Variants in KCTD3 observed in about 807,000 individuals in gnomAD.
KCTD3 encodes the protein potassium channel tetramerization domain containing 3, also known as BTB/POZ domain-containing protein KCTD3.
A neutral mutation model predicts 85.8 loss-of-function variants in KCTD3; 41 were observed. The ratio of observed to expected loss-of-function variants is 0.48; its 90% CI spans 0.37 to 0.62. The LOEUF (loss-of-function observed/expected upper bound fraction) is 0.62, where lower values mean the gene tolerates loss of function less well. Ranked by LOEUF, KCTD3 falls within the 20% of genes least tolerant of loss-of-function variation. The pLI is 0.00. For synonymous variants in KCTD3, 338 were observed against 345.4 expected, an observed-to-expected ratio of 0.98 and a Z score of 0.24; for missense variants, 724 against 989.9, an observed-to-expected ratio of 0.73 and a Z score of 3.60.
At chr1:215,575,569 C>T (rs1659540823) in intron 3 of KCTD3, among the ~76,000 whole-genome samples, 1 of 152,152 alleles carries the variant, frequency 6.6e-6, no homozygotes, top group Admixed American at 6.5e-5. Context: ...GAATTCTAGA[C>T]TGTTTCAGAT....
chr1:215,593,671 TTGTC>T (rs1660303115), intron 9 of KCTD3, among the ~76,000 whole-genome samples: 1 of 152,144 alleles, frequency 6.6e-6, no homozygotes, highest in Admixed American at 6.5e-5. Context: ...GCTGACGAAG[TTGTC>T]TGTATTGGCA....
intron 9 of KCTD3, among the ~76,000 whole-genome samples, chr1:215,592,448 T>A (rs1349530294): frequency 6.6e-6 from 1 of 152,130 alleles, no homozygotes; most frequent in African/African-American, 2.4e-5. Context: ...GCTTAAGTCC[T>A]CCCAAACAAC....
At chr1:215,619,362 C>T in intron 17 of KCTD3, 71 bp downstream of exon 17, 3 of 1,261,584 alleles carry the variant, frequency 2.4e-6, no homozygotes, top group Non-Finnish European at 3.4e-6. Flanking sequence ...ATATTGTAAT[C>T]ACATAGTTGT....
At chr1:215,601,770 G>A in intron 10 of KCTD3, 97 bp from the exon 11 acceptor site, 1 of 697,918 alleles carries the variant, frequency 1.4e-6, no homozygotes, top group African/African-American at 1.8e-5. Flanking sequence ...GATATTGGTT[G>A]CCTCTTTACC....
chr1:215,580,784 G>A (rs1010138308), intron 8 of KCTD3, among the ~76,000 whole-genome samples: 1 of 151,980 alleles, frequency 6.6e-6, no homozygotes, highest in African/African-American at 2.4e-5. Context: ...GTCACAATAA[G>A]CTGAAAAATA....
intron 9 of KCTD3, among the ~76,000 whole-genome samples, chr1:215,590,170 G>C (rs1465455985): frequency 6.6e-6 from 1 of 152,030 alleles, no homozygotes; most frequent in Middle Eastern, 3.2e-3. Flanking sequence ...GGCTTTAACT[G>C]CATTTTTCTG....
chr1:215,572,707 G>A (rs1184996541), intron 1 of KCTD3, among the ~76,000 whole-genome samples: 2 of 152,190 alleles, frequency 1.3e-5, no homozygotes, highest in Non-Finnish European at 2.9e-5. Flanking sequence ...TACATGCACA[G>A]CCTGGGAAAC....
chr1:215,603,170 A>C (rs1175589860), intron 12 of KCTD3, among the ~76,000 whole-genome samples: 1 of 152,134 alleles, frequency 6.6e-6, no homozygotes, highest in East Asian at 1.9e-4. Context: ...AAATCTAGTT[A>C]AAAGGCAGGC....
At chr1:215,585,508 C>A (rs190276297) in intron 8 of KCTD3, among the ~76,000 whole-genome samples, 1 of 152,044 alleles carries the variant, frequency 6.6e-6, no homozygotes, top group African/African-American at 2.4e-5. Context: ...CTTTTTGCAG[C>A]GAATGTCAGG....
intron 1 of KCTD3, among the ~76,000 whole-genome samples, chr1:215,570,847 G>A (rs1213864752): frequency 6.6e-6 from 1 of 152,126 alleles, no homozygotes; most frequent in African/African-American, 2.4e-5. Context: ...GACACTATGG[G>A]TATGGGATAA....
chr1:215,613,349 G>C (rs1393461238), intron 15 of KCTD3, among the ~76,000 whole-genome samples: 1 of 152,068 alleles, frequency 6.6e-6, no homozygotes, highest in Non-Finnish European at 1.5e-5. Flanking sequence ...CTTTCTAATG[G>C]AGTCATGTTT....
intron 13 of KCTD3, among the ~76,000 whole-genome samples, chr1:215,605,395 T>A (rs61346484): frequency 0.025 from 3,859 of 152,226 alleles, 155 homozygotes; most frequent in African/African-American, 0.087. Context: ...ATTACTCCCC[T>A]GCCCCACTGA....
At chr1:215,593,929 C>T (rs896936096) in intron 9 of KCTD3, among the ~76,000 whole-genome samples, 12 of 146,440 alleles carry the variant, frequency 8.2e-5, no homozygotes, top group African/African-American at 2.3e-4. Context: ...GGTATGGTCT[C>T]GGCTCACTGT....
Position 215,619,162 on chromosome 1 carries a change from G to A in KCTD3, c.1757G>A (p.Gly586Asp), listed in dbSNP as rs770470316. Residue 586 changes from glycine (G) to aspartate (D), a missense_variant, in exon 17 of 18, where the codon GGT becomes GAT. This residue lies in a region of KCTD3 where 136 missense variants were observed against 197.6 expected (regional missense o/e 0.69). Coordinates refer to ENST00000259154, the MANE Select transcript of KCTD3 (RefSeq NM_016121.5). The part of the protein sequence containing the change: ...VNKSEDKDVG[G>D]PTEEELLKLL... ...TATTTGTTCTCCTAAGATGTAGGTG[G>A]TCCAACCGAAGAAGAGCTACTCAAA... 87 of 1,613,596 alleles carry A rather than the reference G, an allele frequency of 5.4e-5. No individual in the cohort carries two copies. The highest frequency in any genetic ancestry group is 8.5e-7 in the Non-Finnish European group (1 of 1,179,812).
Position 215,618,971 on chromosome 1 carries a change from A to C in KCTD3, c.1648A>C (p.Arg550=). The C allele has an allele frequency of 1.9e-6, 3 of 1,613,980 alleles. No homozygotes were observed. Among genetic ancestry groups the C allele is most frequent in the South Asian group, 2.2e-5 (2 of 91,042 alleles). ...ECEGSSRMGS[R]PRRYLFTGHT... ...TGAGGGATCCAGTAGGATGGGCTCA[A>C]GACCAAGGCGCTACTTGTTCACAGG... Residue 550 remains arginine (R), a synonymous_variant, in exon 16 of 18, where the codon AGA becomes CGA. Coordinates refer to ENST00000259154, the MANE Select transcript of KCTD3 (RefSeq NM_016121.5).
At chr1:215,617,723 T>C (rs1236045091) in intron 15 of KCTD3, among the ~76,000 whole-genome samples, 1 of 150,624 alleles carries the variant, frequency 6.6e-6, no homozygotes, top group Non-Finnish European at 1.5e-5. Flanking sequence ...AACTGGGGGC[T>C]GCAGTGGACC....
intron 15 of KCTD3, among the ~76,000 whole-genome samples, chr1:215,614,289 C>T (rs1246872135): frequency 1.3e-5 from 2 of 151,990 alleles, no homozygotes; most frequent in African/African-American, 2.4e-5. Flanking sequence ...CCTCCGCCTC[C>T]CAAAGTGCTG....
chr1:215,615,831 T>C (rs776632640), intron 15 of KCTD3, among the ~76,000 whole-genome samples: 11 of 152,258 alleles, frequency 7.2e-5, no homozygotes, highest in East Asian at 1.9e-4. Flanking sequence ...TCCATTTTTA[T>C]GCTTAGGTTA....
At chr1:215,604,103 A>T in intron 12 of KCTD3, 29 bp from the exon 13 acceptor site, 1 of 1,555,646 alleles carries the variant, frequency 6.4e-7, no homozygotes, top group Non-Finnish European at 8.7e-7. Context: ...TCCATAATGT[A>T]TCACCTGTCA....
Sources: allele counts gnomAD v4.1 joint callset (sites outside exome capture counted in the v4.1 genomes callset), GRCh38; gene constraint gnomAD v4.1.1; regional missense constraint gnomAD v4.1.1; transcripts MANE v1.5; gene names NCBI Gene and HGNC (gene_info 2026-07-23, HGNC 2026-07-21).